Variants in TMX3 observed in about 807,000 individuals in gnomAD.
The protein encoded by TMX3 is thioredoxin related transmembrane protein 3.
A neutral mutation model predicts 64.4 loss-of-function variants in TMX3; 40 were observed. That is an observed-to-expected ratio of 0.62 (90% confidence interval 0.48 to 0.81). The LOEUF is 0.81. TMX3 is among the 30% of genes least tolerant of loss of function. TMX3 has a pLI of 0.00. For synonymous variants in TMX3, 189 were observed against 175.7 expected (o/e 1.08, Z -0.60); for missense variants, 497 against 534.5 (o/e 0.93, Z 0.69).
At position 68,713,854 on chromosome 18, in the gene TMX3, T is replaced by G; in HGVS notation, c.93A>C (p.Leu31Phe). The G allele has an allele frequency of 6.4e-7, 1 of 1,554,860 alleles. No individual in the cohort carries two copies. Residue 31 changes from leucine (L) to phenylalanine (F), a missense_variant, in exon 2 of 16, where the codon TTA becomes TTC. By Grantham distance (22) the Leu-to-Phe change is conservative. Transcript: ENST00000299608. ...TATATATGTATACTCACGATTCATC[T>G]AAATCTTCTACAAATCCTTTACAGA... ...MVVCKGFVED[L>F]DESFKENRND...
At chr18:68,678,384 C>G (rs546002614) in intron 15 of TMX3, among the ~76,000 whole-genome samples, 11 of 152,174 alleles carry the variant, frequency 7.2e-5, no homozygotes, top group Admixed American at 7.2e-4. Context: ...AGTTGATTGA[C>G]AGTTAAAGCT....
chr18:68,714,772 G>C (rs1171805435), intron 1 of TMX3, among the ~76,000 whole-genome samples, 164 bp downstream of exon 1: 5 of 152,244 alleles, frequency 3.3e-5, no homozygotes, highest in Non-Finnish European at 5.9e-5. Context: ...CTCCGTCAGG[G>C]CCAGGCAGGG....
intron 8 of TMX3, 23 bp from the exon 9 acceptor site, chr18:68,691,384 A>G (rs1301266246): frequency 2.8e-6 from 4 of 1,440,838 alleles, no homozygotes; most frequent in Admixed American, 2.3e-5. Flanking sequence ...AGAAGTTTAA[A>G]TAACTTTTAT....
chr18:68,675,944 T>C lies in TMX3; in HGVS notation c.*989A>G, dbSNP rs1912892800. 1 of 152,088 alleles carries C rather than the reference T, an allele frequency of 6.6e-6. No homozygotes were observed. Among genetic ancestry groups the C allele is most frequent in the Non-Finnish European group, 1.5e-5 (1 of 68,020 alleles). 9.4% of individuals were successfully genotyped at this position (152,088 alleles called of 1,614,324 possible). On this transcript the variant is annotated 3_prime_UTR_variant, in exon 16 of 16. Coordinates refer to ENST00000299608, the MANE Select transcript of TMX3 (RefSeq NM_019022.5). ...TCCTTATGAAGCAGACACGGACAGG[T>C]CTACAGCATTACATAATAGATGTGT...
chr18:68,714,862 G>A (rs532038381), intron 1 of TMX3, 74 bp downstream of exon 1: 1 of 1,542,558 alleles, frequency 6.5e-7, no homozygotes, highest in Non-Finnish European at 8.8e-7. Context: ...CCCAGACCCG[G>A]GTCCAATCCC....
At chr18:68,694,396 C>A (rs919188843) in intron 8 of TMX3, among the ~76,000 whole-genome samples, 3 of 152,214 alleles carry the variant, frequency 2.0e-5, no homozygotes, top group Non-Finnish European at 4.4e-5. Flanking sequence ...TCTGGTCCAG[C>A]CGCAGCCTCA....
At chr18:68,690,256 C>T (rs1414578078) in intron 9 of TMX3, among the ~76,000 whole-genome samples, 1 of 152,106 alleles carries the variant, frequency 6.6e-6, no homozygotes, top group Non-Finnish European at 1.5e-5. Flanking sequence ...TATCTGGCCT[C>T]CAACATGGTA....
intron 4 of TMX3, chr18:68,706,411 C>CAAAAAAAT (rs1490383402): frequency 6.6e-6 from 1 of 150,468 alleles, no homozygotes; most frequent in African/African-American, 2.4e-5. Context: ...AACTCTGTCT[C>CAAAAAAAT]AAAAAAATAA....
At position 68,697,112 on chromosome 18, in the gene TMX3, C is replaced by T. The variant is rs970404341; in HGVS notation, c.570+114G>A. ...TCCAAACATATCACAGTAAATAAAT[C>T]TGATATTAAAATCAATAATTTAATC... On this transcript the variant is annotated intron_variant, in intron 8 of 15. Transcript: ENST00000299608. 4.9e-6 allele frequency: 3 copies of T among 614,118 alleles called. No homozygotes were observed. The African/African-American group carries it at 5.7e-5, about 12-fold the overall frequency. The allele number at this position is 614,118 out of a possible 1,614,324, so 38.0% of individuals were successfully genotyped here.
At chr18:68,679,246 T>C (rs1231929897) in intron 15 of TMX3, among the ~76,000 whole-genome samples, 1 of 152,204 alleles carries the variant, frequency 6.6e-6, no homozygotes, top group Non-Finnish European at 1.5e-5. Context: ...ATCAAGTTAA[T>C]TGATTCTGAA....
At chr18:68,709,855 T>C (rs1287238660) in intron 4 of TMX3, among the ~76,000 whole-genome samples, 166 bp downstream of exon 4, 1 of 152,182 alleles carries the variant, frequency 6.6e-6, no homozygotes, top group Non-Finnish European at 1.5e-5. Flanking sequence ...ACACGCTACA[T>C]GTTCAATGGC....
intron 14 of TMX3, among the ~76,000 whole-genome samples, chr18:68,679,847 C>T (rs555794109): frequency 6.6e-5 from 10 of 152,206 alleles, no homozygotes; most frequent in South Asian, 2.1e-4. Context: ...TAGCTGGGAC[C>T]GCAAAACCAG....
At position 68,680,938 on chromosome 18, in the gene TMX3, C is replaced by T. The variant is rs367834664; in HGVS notation, c.1035+43G>A. On this transcript the variant is annotated intron_variant, in intron 14 of 15. Transcript: ENST00000299608. The stretch of plus-strand genomic sequence containing the variant: ...AAGAAATGAACTAGTTTCTCCTCTA[C>T]CCCCTGTCCATCATCTCTTTGAAAC... 3.3e-5 allele frequency: 50 copies of T among 1,510,384 alleles called. 1 individual carries two copies. In the East Asian group the frequency reaches 1.1e-3, roughly 33 times the overall value. The allele number at this position is 1,510,384 out of a possible 1,614,324, so 93.6% of individuals were successfully genotyped here. A position where few individuals can be genotyped will look rare whatever the true frequency, so the allele number is the denominator to read the frequency against.
Position 68,696,768 on chromosome 18 carries a change from C to T in TMX3, c.570+458G>A, listed in dbSNP as rs148535648. ...CTGGGATTACAGGCATGAGGCACTG[C>T]GCCTGGCCTTTAATTTGTTTTTTCA... On this transcript the variant is annotated intron_variant, in intron 8 of 15. Coordinates refer to ENST00000299608, the MANE Select transcript of TMX3 (RefSeq NM_019022.5). Among the ~76,000 whole-genome samples the T allele has an allele frequency of 9.5e-3, 1,446 of 152,236 alleles. 13 individuals carry two copies. The highest frequency in any genetic ancestry group is 0.014 in the Non-Finnish European group (923 of 68,012).
chr18:68,711,484 T>A, intron 2 of TMX3, 81 bp from the exon 3 acceptor site: 1 of 986,904 alleles, frequency 1.0e-6, no homozygotes, highest in Non-Finnish European at 1.5e-6. Context: ...GATAATACAT[T>A]GATAAATATA....
Position 68,700,436 on chromosome 18 carries a change from C to A in TMX3, c.361G>T (p.Asp121Tyr), listed in dbSNP as rs1305362563. ...ACTCTGTGAGCAAACTCAATAATAT[C>A]ATCTTTTGTTCGTGGTCCTCTATAA... ...YNYRGPRTKD[D>Y]IIEFAHRVSG... The change falls in exon 6 of 16, where the codon GAT becomes TAT. Residue 121 changes from aspartate (D) to tyrosine (Y), a missense_variant. Asp to Tyr is a radical substitution (Grantham distance 160). This residue lies in a region of TMX3 where 360 missense variants were observed against 383.5 expected (regional missense o/e 0.94). Coordinates refer to ENST00000299608, the MANE Select transcript of TMX3 (RefSeq NM_019022.5). The A allele has an allele frequency of 6.3e-7, 1 of 1,579,814 alleles. No homozygotes were observed.
intron 7 of TMX3, 45 bp from the exon 8 acceptor site, chr18:68,697,348 G>T (rs757718962): frequency 6.2e-5 from 72 of 1,169,022 alleles, no homozygotes; most frequent in Non-Finnish European, 8.5e-5. Flanking sequence ...AAATATTAAA[G>T]GCCAAAATTC....
chr18:68,683,121 A>C (rs1913607897), intron 12 of TMX3, 140 bp from the exon 13 acceptor site: 1 of 662,872 alleles, frequency 1.5e-6, no homozygotes. Context: ...GAAACTGTAA[A>C]CATTTCACAT....
At chr18:68,701,673 A>G in intron 5 of TMX3, 72 bp downstream of exon 5, 1 of 1,600,370 alleles carries the variant, frequency 6.2e-7, no homozygotes, top group Non-Finnish European at 8.5e-7. Context: ...ATCTACTAGA[A>G]ATTAACGTAA....
Sources: gnomAD v4.1 joint callset for allele counts (sites outside exome capture counted in the v4.1 genomes callset) on GRCh38, gnomAD v4.1.1 for gene constraint, gnomAD v4.1.1 regional missense constraint, MANE v1.5 for transcripts, NCBI Gene and HGNC (gene_info 2026-07-23, HGNC 2026-07-21) for gene names.